Variants in FOXN4 observed in about 807,000 individuals in gnomAD.
FOXN4 encodes the protein forkhead box protein N4.
A neutral mutation model predicts 45.0 loss-of-function variants in FOXN4; 12 were observed. The ratio of observed to expected loss-of-function variants is 0.27; its 90% confidence interval spans 0.17 to 0.43. FOXN4 has a LOEUF of 0.43. Among genes scored for constraint, FOXN4 ranks in the 20% least tolerant of loss-of-function variants. The pLI is 1.00. For missense variants in FOXN4, 560 were observed against 694.9 expected, an observed-to-expected ratio of 0.81 and a Z score of 2.18; for synonymous variants, 297 against 295.0, an observed-to-expected ratio of 1.01 and a Z score of -0.07.
chr12:109,303,075 T>C (rs1205860574), intron 2 of FOXN4, among the ~76,000 whole-genome samples: 1 of 152,230 alleles, frequency 6.6e-6, no homozygotes, highest in Non-Finnish European at 1.5e-5. Flanking sequence ...GAATCTTTCC[T>C]TTCTAGAACA....
chr12:109,283,191 C>T (rs1326901343), intron 8 of FOXN4, among the ~76,000 whole-genome samples: 1 of 151,694 alleles, frequency 6.6e-6, no homozygotes, highest in Non-Finnish European at 1.5e-5. Flanking sequence ...TTTTTAAAAG[C>T]AGATGCAATC....
intron 2 of FOXN4, among the ~76,000 whole-genome samples, chr12:109,295,690 G>A (rs2047810298): frequency 6.6e-6 from 1 of 152,246 alleles, no homozygotes; most frequent in South Asian, 2.1e-4. Flanking sequence ...GGAGGCTGAG[G>A]CAGGAGAATT....
At chr12:109,300,197 C>T (rs752747323) in intron 2 of FOXN4, among the ~76,000 whole-genome samples, 5 of 152,132 alleles carry the variant, frequency 3.3e-5, no homozygotes, top group African/African-American at 4.8e-5. Flanking sequence ...GCAGGGTGTC[C>T]GGCACTCGGG....
intron 9 of FOXN4, among the ~76,000 whole-genome samples, 193 bp from the exon 10 acceptor site, chr12:109,280,123 A>G (rs1209564947): frequency 6.6e-6 from 1 of 152,152 alleles, no homozygotes; most frequent in Admixed American, 6.5e-5. Context: ...TGGGTGGATC[A>G]CTTGAGGCCA....
In FOXN4 at chr12:109,288,527, AATTG is replaced by A. The variant is rs1273238847; in HGVS notation, c.233-351_233-348del. Among the ~76,000 whole-genome samples the A allele has an allele frequency of 6.6e-6, 1 of 152,180 alleles. No homozygotes were observed. Among genetic ancestry groups the A allele is most frequent in the African/African-American group, 2.4e-5 (1 of 41,434 alleles). ...TAAACATGAGTCAATAATAAATGAT[AATTG>A]ATTATGTCCTTCATGAAGCTAAAAC... On this transcript the variant is annotated intron_variant, in intron 3 of 9. Coordinates refer to ENST00000299162, the MANE Select transcript of FOXN4 (RefSeq NM_213596.3). This position sits in a 1 kb window ranked among gnomAD's most constrained non-coding sequence, Gnocchi z 4.3.
rs1336201410 is a variant in FOXN4, at chr12:109,291,117, C to T, written c.87-831G>A. 6.6e-6 allele frequency among the ~76,000 whole-genome samples: 1 copy of T among 152,178 alleles called. No homozygotes were observed. The highest frequency in any genetic ancestry group is 2.4e-5 in the African/African-American group (1 of 41,442). On this transcript the variant is annotated intron_variant, in intron 2 of 9. Transcript: ENST00000299162. The surrounding 1 kb of genome is among the most constrained non-coding windows in gnomAD (Gnocchi z 6.6). Reference sequence around the variant, plus strand: ...CCCAAGAGGCTCCAGTTAGGACCCACACCCACCAGCCGCAACAGATTCATG... The same window carrying T: ...CCCAAGAGGCTCCAGTTAGGACCCATACCCACCAGCCGCAACAGATTCATG...
rs552432180 is a variant in FOXN4, at chr12:109,287,359, C to A, written c.596+38G>T. The A allele has an allele frequency of 7.7e-6, 12 of 1,550,592 alleles. No individual in the cohort carries two copies. The African/African-American group carries it at 1.5e-4, about 19-fold the overall frequency. On this transcript the variant is annotated intron_variant, in intron 6 of 9. Transcript: ENST00000299162. The surrounding 1 kb of genome is among the most constrained non-coding windows in gnomAD (Gnocchi z 4.1). ...GCAGCCTCATCCCTCTCTCCCGGAGCCGCCCTTGGCCCTGACCCGGCCCAC... is the reference window on the plus strand; with the variant it reads ...GCAGCCTCATCCCTCTCTCCCGGAGACGCCCTTGGCCCTGACCCGGCCCAC...
intron 2 of FOXN4, among the ~76,000 whole-genome samples, chr12:109,297,439 CA>C: frequency 6.6e-6 from 1 of 152,324 alleles, no homozygotes. Context: ...CTCCTGGGTT[CA>C]AGTGATTCTC....
Position 109,306,426 on chromosome 12 carries a change from G to A in FOXN4, c.86+1810C>T, listed in dbSNP as rs762541746. On this transcript the variant is annotated intron_variant, in intron 2 of 9. Coordinates refer to ENST00000299162, the MANE Select transcript of FOXN4 (RefSeq NM_213596.3). ...ACTCCCCTATCTCCAGTGCTTTTAA[G>A]GGGCGCTTTTAGGCAACAGTAAGAT... is the stretch of plus-strand genomic sequence containing the variant. 5.3e-4 allele frequency among the ~76,000 whole-genome samples: 80 copies of A among 152,142 alleles called. 2 individuals are homozygous for A. Among genetic ancestry groups the A allele is most frequent in the Non-Finnish European group, 8.8e-5 (6 of 68,030 alleles).
intron 2 of FOXN4, among the ~76,000 whole-genome samples, chr12:109,306,708 A>T (rs74577060): frequency 4.9e-4 from 75 of 152,368 alleles, no homozygotes; most frequent in Middle Eastern, 3.4e-3. Flanking sequence ...AATGATTACT[A>T]AATTGTCATA....
At position 109,285,318 on chromosome 12, in the gene FOXN4, C is replaced by G. The variant is rs1357050203; in HGVS notation, c.887G>C (p.Ser296Thr). Residue 296 changes from serine (S) to threonine (T), a missense_variant, in exon 8 of 10, where the codon AGT becomes ACT. Physicochemically the swap from Ser to Thr is moderately conservative, Grantham distance 58. Coordinates refer to ENST00000299162, the MANE Select transcript of FOXN4 (RefSeq NM_213596.3). ...KRKDLAAIHRSMANPEELDKL... is the reference protein window; with the variant it reads ...KRKDLAAIHRTMANPEELDKL... ...CCGGCCCTCACCAGGGTTGGCCATA[C>G]TCCGGTGGATGGCAGCCAGGTCCTT... 1 of 1,610,522 alleles carries G rather than the reference C, an allele frequency of 6.2e-7. No homozygotes were observed. Among genetic ancestry groups the G allele is most frequent in the East Asian group, 2.2e-5 (1 of 44,766 alleles).
rs1470653577 is a variant in FOXN4, at chr12:109,281,551, G to A, written c.1150C>T (p.Leu384=). 2 of 1,611,788 alleles carry A rather than the reference G, an allele frequency of 1.2e-6. No homozygotes were observed. Among genetic ancestry groups the A allele is most frequent in the Admixed American group, 1.7e-5 (1 of 59,568 alleles). The change falls in exon 9 of 10, where the codon CTG becomes TTG. Residue 384 remains leucine, a synonymous_variant. Transcript: ENST00000299162. ...GGGCTGAGGTCCGGCAGGGCGTGCA[G>A]TGGCGGGGTCTGGGCTGGTGCTGGA... ...DSPAPAQTPP[L]HALPDLSPSP...
At chr12:109,286,518 G>A in intron 7 of FOXN4, 130 bp downstream of exon 7, 5 of 835,734 alleles carry the variant, frequency 6.0e-6, no homozygotes, top group Non-Finnish European at 7.5e-6. Context: ...GTGTGCACAT[G>A]TCCTAACCAC....
chr12:109,290,377 G>T lies in FOXN4; in HGVS notation c.87-91C>A. On this transcript the variant is annotated intron_variant, in intron 2 of 9. Transcript: ENST00000299162. The surrounding 1 kb of genome is among the most constrained non-coding windows in gnomAD (Gnocchi z 5.1). ...CGACCTCTGGAAGCACCCGCTTAAT[G>T]TGCCTCATCTCCCCAAGCCACGCCA... 1 of 1,420,342 alleles carries T rather than the reference G, an allele frequency of 7.0e-7. No individual in the cohort carries two copies. The highest frequency in any genetic ancestry group is 9.3e-7 in the Non-Finnish European group (1 of 1,071,832). 88.0% of individuals were successfully genotyped at this position (1,420,342 alleles called of 1,614,324 possible). A position where few individuals can be genotyped will look rare whatever the true frequency, so the allele number is the denominator to read the frequency against.
At position 109,286,649 on chromosome 12, in the gene FOXN4, T is replaced by C; in HGVS notation, c.692A>G (p.Lys231Arg). The change falls in exon 7 of 10, where the codon AAG becomes AGG. Residue 231 changes from lysine (K) to arginine (R), a missense_variant and splice_region_variant. This residue lies in a region of FOXN4 where 39 missense variants were observed against 81.7 expected (regional missense o/e 0.48). Transcript: ENST00000299162. ...CCCCTACCCTAGCTTGGGACTCACC[T>C]TGAAGTAGGGGAAGTGCTCCTTCAT... ...SFMKEHFPYF[K>R]TAPDGWKNSV... The C allele has an allele frequency of 6.2e-7, 1 of 1,607,810 alleles. No homozygotes were observed. The highest frequency in any genetic ancestry group is 8.5e-7 in the Non-Finnish European group (1 of 1,178,496).
chr12:109,308,069 A>G (rs2047937498), intron 2 of FOXN4, among the ~76,000 whole-genome samples, 167 bp downstream of exon 2: 1 of 152,190 alleles, frequency 6.6e-6, no homozygotes, highest in Non-Finnish European at 1.5e-5. Flanking sequence ...TGTGGCCCAG[A>G]CACCCTTAGC....
intron 9 of FOXN4, 125 bp downstream of exon 9, chr12:109,281,282 T>C (rs2047649205): frequency 2.2e-6 from 3 of 1,336,888 alleles, no homozygotes; most frequent in Non-Finnish European, 3.1e-6. Flanking sequence ...CTTGTAAAGG[T>C]TGTTGCTATG....
chr12:109,295,607 G>A (rs1482885222), intron 2 of FOXN4, among the ~76,000 whole-genome samples: 3 of 152,246 alleles, frequency 2.0e-5, no homozygotes, highest in Admixed American at 1.3e-4. Context: ...CCAACATGGC[G>A]AAACCCTGTC....
At chr12:109,285,005 G>A (rs1296168885) in intron 8 of FOXN4, among the ~76,000 whole-genome samples, 1 of 150,844 alleles carries the variant, frequency 6.6e-6, no homozygotes, top group Non-Finnish European at 1.5e-5. Flanking sequence ...TTCTGCGTGT[G>A]TGCGTGCATT....
Sources: gnomAD v4.1 joint callset for allele counts (sites outside exome capture counted in the v4.1 genomes callset) on GRCh38, gnomAD v4.1.1 for gene constraint, gnomAD v4.1.1 regional missense constraint, Gnocchi (gnomAD v3.1) non-coding constraint, MANE v1.5 for transcripts, NCBI Gene and HGNC (gene_info 2026-07-23, HGNC 2026-07-21) for gene names.